Variants in FHIT observed in about 807,000 individuals in gnomAD.
FHIT encodes the protein bis(5'-adenosyl)-triphosphatase.
In FHIT, 19 loss-of-function variants were observed where a neutral mutation model predicts 17.9. That is an observed-to-expected ratio of 1.06 (90% confidence interval 0.74 to 1.56). The LOEUF is 1.56. FHIT is among the 40% of genes most tolerant of loss of function. The pLI is 0.00. For missense variants in FHIT, 248 were observed against 189.2 expected (o/e 1.31, Z -1.82); for synonymous variants, 81 against 69.7 (o/e 1.16, Z -0.81).
At chr3:60,230,187 C>T (rs1020770938) in intron 5 of FHIT, among the ~76,000 whole-genome samples, 2 of 152,122 alleles carry the variant, frequency 1.3e-5, no homozygotes, top group Non-Finnish European at 2.9e-5. Context: ...GAGCCACACG[C>T]GGCCACTGGC....
chr3:59,902,549 C>T (rs1056982230), intron 8 of FHIT, among the ~76,000 whole-genome samples: 13 of 151,724 alleles, frequency 8.6e-5, no homozygotes, highest in African/African-American at 3.1e-4. Flanking sequence ...ACCTAAGTAT[C>T]CACTGACAGA....
In FHIT at chr3:59,822,408, C is replaced by G. The variant is rs1485484514; in HGVS notation, c.349-70087G>C. On this transcript the variant is annotated intron_variant, in intron 8 of 9. Transcript: ENST00000492590. The stretch of plus-strand genomic sequence containing the variant: ...ATAGTGGTTATACTAGTTTCCATTC[C>G]CATCAGCAGTGTAGAGGTGTTCCCT... 2.0e-5 allele frequency among the ~76,000 whole-genome samples: 3 copies of G among 152,148 alleles called. No individual in the cohort carries two copies. The East Asian group carries it at 5.8e-4, about 29-fold the overall frequency.
chr3:60,234,456 T>G (rs1056242723), intron 5 of FHIT, among the ~76,000 whole-genome samples: 1 of 152,228 alleles, frequency 6.6e-6, no homozygotes, highest in African/African-American at 2.4e-5. Context: ...TAGTCTTTAT[T>G]TCATTATTCT....
chr3:60,130,891 A>G (rs892737562), intron 5 of FHIT, among the ~76,000 whole-genome samples: 5 of 100,746 alleles, frequency 5.0e-5, no homozygotes, highest in Non-Finnish European at 1.1e-4. Context: ...GTATATACAC[A>G]CATACACATA....
rs201715210 is a variant in FHIT at position 60,983,128 on chromosome 3, T to TTC, written c.-111+58917_-111+58918dup. ...TCCTTTTATCTCAATCCGATTTACC[T>TTC]TCTCTCTTGTGTGTGTGTGTGTGTG... On this transcript the variant is annotated intron_variant, in intron 3 of 9. Coordinates refer to ENST00000492590, the MANE Select transcript of FHIT (RefSeq NM_002012.4). Among the ~76,000 whole-genome samples, 121 of 125,406 alleles carry TTC rather than the reference T, an allele frequency of 9.6e-4. 3 individuals carry two copies. The highest frequency in any genetic ancestry group is 3.7e-3 in the African/African-American group (112 of 30,226). 82.3% of individuals were successfully genotyped at this position (125,406 alleles called of 152,430 possible).
At chr3:60,716,190 A>G (rs2107951205) in intron 4 of FHIT, among the ~76,000 whole-genome samples, 1 of 152,232 alleles carries the variant, frequency 6.6e-6, no homozygotes, top group South Asian at 2.1e-4. Flanking sequence ...TTTGCAGTTT[A>G]GCTGAGATCA....
At chr3:60,249,224 T>C (rs1705560743) in intron 5 of FHIT, among the ~76,000 whole-genome samples, 1 of 152,176 alleles carries the variant, frequency 6.6e-6, no homozygotes, top group African/African-American at 2.4e-5. Flanking sequence ...GTTTTTCTAT[T>C]CTTGAAACTT....
chr3:60,431,598 G>C (rs889750635), intron 5 of FHIT, among the ~76,000 whole-genome samples: 2 of 152,014 alleles, frequency 1.3e-5, no homozygotes, highest in Non-Finnish European at 2.9e-5. Context: ...TATTTTACTG[G>C]TGAAGGACGA....
chr3:59,777,148 A>T (rs1702364128), intron 8 of FHIT, among the ~76,000 whole-genome samples: 1 of 151,944 alleles, frequency 6.6e-6, no homozygotes, highest in African/African-American at 2.4e-5. Context: ...CCACCTTCGA[A>T]ATGTCAGGGT....
At chr3:59,820,541 T>C (rs1215763784) in intron 8 of FHIT, among the ~76,000 whole-genome samples, 1 of 152,224 alleles carries the variant, frequency 6.6e-6, no homozygotes, top group African/African-American at 2.4e-5. Flanking sequence ...AAATCAGACC[T>C]GCCACCTATT....
intron 4 of FHIT, among the ~76,000 whole-genome samples, chr3:60,619,566 A>G (rs1451085468): frequency 6.8e-6 from 1 of 147,262 alleles, no homozygotes; most frequent in Admixed American, 6.9e-5. Context: ...AGTCTTTTCC[A>G]CAAATGGATC....
intron 3 of FHIT, among the ~76,000 whole-genome samples, chr3:60,867,817 C>T (rs1424491388): frequency 6.6e-6 from 1 of 152,132 alleles, no homozygotes; most frequent in Non-Finnish European, 1.5e-5. Flanking sequence ...AGCAGAGCCC[C>T]CTGACAACTT....
At chr3:60,329,076 A>G (rs1159801590) in intron 5 of FHIT, among the ~76,000 whole-genome samples, 1 of 152,204 alleles carries the variant, frequency 6.6e-6, no homozygotes, top group Admixed American at 6.5e-5. Flanking sequence ...TTTCATATGG[A>G]TTTAATTAGT....
chr3:60,344,010 A>G (rs1576507331), intron 5 of FHIT, among the ~76,000 whole-genome samples: 1 of 152,198 alleles, frequency 6.6e-6, no homozygotes, highest in East Asian at 1.9e-4. Flanking sequence ...TTCAAACTCT[A>G]TGACTACAGT....
intron 5 of FHIT, among the ~76,000 whole-genome samples, chr3:60,100,565 T>G (rs1411319253): frequency 6.6e-6 from 1 of 152,130 alleles, no homozygotes; most frequent in Non-Finnish European, 1.5e-5. Context: ...CGTCCCTCAC[T>G]ACGCTGACCC....
At chr3:60,990,962 G>C (rs1251975122) in intron 3 of FHIT, among the ~76,000 whole-genome samples, 1 of 152,152 alleles carries the variant, frequency 6.6e-6, no homozygotes, top group Non-Finnish European at 1.5e-5. Flanking sequence ...CTTTTCTAGA[G>C]TGAATATGAC....
At chr3:59,931,339 T>C (rs1204336638) in intron 7 of FHIT, among the ~76,000 whole-genome samples, 2 of 152,190 alleles carry the variant, frequency 1.3e-5, no homozygotes, top group African/African-American at 2.4e-5. Context: ...GGAGGCCTCA[T>C]CTTCTGCAAC....
chr3:60,947,679 C>T (rs2107445368), intron 3 of FHIT, among the ~76,000 whole-genome samples: 1 of 152,302 alleles, frequency 6.6e-6, no homozygotes, highest in Non-Finnish European at 1.5e-5. Flanking sequence ...CCAGAATGGT[C>T]TTGTGATCAT....
At chr3:60,930,265 A>G (rs1472502007) in intron 3 of FHIT, among the ~76,000 whole-genome samples, 3 of 152,214 alleles carry the variant, frequency 2.0e-5, no homozygotes, top group Admixed American at 1.3e-4. Flanking sequence ...TAAAAACCCT[A>G]GAAGAAAACC....
Sources: gnomAD v4.1 joint callset for allele counts (sites outside exome capture counted in the v4.1 genomes callset) on GRCh38, gnomAD v4.1.1 for gene constraint, MANE v1.5 for transcripts, NCBI Gene and HGNC (gene_info 2026-07-23, HGNC 2026-07-21) for gene names.